Variants in RNF32 observed in about 807,000 individuals in gnomAD.
The protein encoded by RNF32 is ring finger protein 32.
In RNF32, 36 loss-of-function variants were observed where a neutral mutation model predicts 41.0. The observed-to-expected ratio is 0.88, with a 90% CI of 0.67 to 1.16. The LOEUF is 1.16. Among genes scored for constraint, RNF32 ranks in the 50% most tolerant of loss-of-function variants. The pLI is 0.00. For missense variants in RNF32, 413 were observed against 436.7 expected (o/e 0.95, Z 0.48); for synonymous variants, 154 against 160.9 (o/e 0.96, Z 0.32).
intron 7 of RNF32, among the ~76,000 whole-genome samples, chr7:156,674,614 TGAGTGAG>T (rs1803380907): frequency 1.3e-5 from 2 of 152,154 alleles, no homozygotes; most frequent in Non-Finnish European, 2.9e-5. Flanking sequence ...AGGCCGAGGC[TGAGTGAG>T]CATTGATGGC....
intron 6 of RNF32, 65 bp from the exon 7 acceptor site, chr7:156,658,397 C>G: frequency 6.6e-7 from 1 of 1,512,008 alleles, no homozygotes; most frequent in Non-Finnish European, 9.2e-7. Flanking sequence ...CTTATAACAA[C>G]TACTGAAGTA....
intron 2 of RNF32, 88 bp from the exon 3 acceptor site, chr7:156,644,411 T>C: frequency 9.9e-7 from 1 of 1,010,224 alleles, no homozygotes; most frequent in Non-Finnish European, 1.5e-6. Flanking sequence ...GTATGTGCCA[T>C]CAAGGTTGAG....
chr7:156,675,115 A>AGACCCGAAGAGGCAGCGGC (rs1200143965), intron 7 of RNF32, among the ~76,000 whole-genome samples: 27 of 152,376 alleles, frequency 1.8e-4, no homozygotes, highest in African/African-American at 4.6e-4. Context: ...GAGATAGTGC[A>AGACCCGAAGAGGCAGCGGC]GACCCGAAGA....
chr7:156,666,365 TG>T (rs1168840231), intron 7 of RNF32, among the ~76,000 whole-genome samples: 1 of 152,130 alleles, frequency 6.6e-6, no homozygotes, highest in Non-Finnish European at 1.5e-5. Context: ...TGTTGACGAG[TG>T]AAAAGGGACC....
chr7:156,675,308 G>A (rs939569984), intron 7 of RNF32, among the ~76,000 whole-genome samples: 13 of 152,328 alleles, frequency 8.5e-5, no homozygotes, highest in South Asian at 2.1e-4. Context: ...GGCTCCCTCC[G>A]TCTTTGGAGA....
chr7:156,644,774 A>T lies in RNF32; in HGVS notation c.274+17A>T, dbSNP rs753787702. The T allele has an allele frequency of 2.5e-6, 4 of 1,589,896 alleles. No individual in the cohort carries two copies. In the South Asian group the frequency reaches 4.7e-5, roughly 19 times the overall value. The stretch of plus-strand genomic sequence containing the variant: ...TGACTTTGGGTAAGCTGACGTAGTC[A>T]TTCATCTTTTGGCTTATTAGGGCTA... On this transcript the variant is annotated intron_variant, in intron 3 of 8. Transcript: ENST00000317955.
rs1264989494 is a variant in RNF32 at position 156,675,682 on chromosome 7, C to T, written c.685-14C>T. The T allele has an allele frequency of 2.2e-5, 35 of 1,600,730 alleles. No individual in the cohort carries two copies. The highest frequency in any genetic ancestry group is 2.7e-5 in the Non-Finnish European group (32 of 1,168,332). On this transcript the variant is annotated splice_polypyrimidine_tract_variant and intron_variant, in intron 7 of 8. Transcript: ENST00000317955. ...GCTCAGGTGTGAGCTTACCCGCCCCCGCCTCCTCCTCAGTTCACAGAAATC... is the reference window on the plus strand; with the variant it reads ...GCTCAGGTGTGAGCTTACCCGCCCCTGCCTCCTCCTCAGTTCACAGAAATC...
At position 156,676,744 on chromosome 7, in the gene RNF32, C is replaced by T; in HGVS notation, c.*89C>T. On this transcript the variant is annotated 3_prime_UTR_variant, in exon 9 of 9. Coordinates refer to ENST00000317955, the MANE Select transcript of RNF32 (RefSeq NM_030936.4). ...TGCATGAGTTCTGGGTTAAGTACTA[C>T]AATGTAATCTGTTTCCCAGGGAAAT... 1 of 898,528 alleles carries T rather than the reference C, an allele frequency of 1.1e-6. No homozygotes were observed. The highest frequency in any genetic ancestry group is 1.8e-6 in the Non-Finnish European group (1 of 563,584). 55.7% of individuals were successfully genotyped at this position (898,528 alleles called of 1,614,324 possible). A position where few individuals can be genotyped will look rare whatever the true frequency, so the allele number is the denominator to read the frequency against.
chr7:156,662,548 GCA>G (rs1359813516), intron 7 of RNF32, among the ~76,000 whole-genome samples: 2 of 152,016 alleles, frequency 1.3e-5, no homozygotes, highest in Non-Finnish European at 2.9e-5. Flanking sequence ...GTGTACACAG[GCA>G]CAGTCTCACT....
rs895900382 is a variant in RNF32 at position 156,644,480 on chromosome 7, C to CTT, written c.16-14_16-13dup. 2.3e-5 allele frequency: 36 copies of CTT among 1,593,746 alleles called. No homozygotes were observed. Among genetic ancestry groups the CTT allele is most frequent in the Non-Finnish European group, 3.0e-5 (35 of 1,166,316 alleles). ...TTACATAATACTCCTCTAAATATGA[C>CTT]TTTTTTCCTACTTTTTAGGGTCACT... is the stretch of plus-strand genomic sequence containing the variant. On this transcript the variant is annotated intron_variant, in intron 2 of 8. Coordinates refer to ENST00000317955, the MANE Select transcript of RNF32 (RefSeq NM_030936.4).
intron 3 of RNF32, 96 bp downstream of exon 3, chr7:156,644,853 T>C: frequency 7.8e-7 from 1 of 1,285,314 alleles, no homozygotes; most frequent in East Asian, 2.5e-5. Context: ...AAATAACTTA[T>C]TTATAATTAT....
intron 2 of RNF32, among the ~76,000 whole-genome samples, chr7:156,644,169 C>G (rs886913983): frequency 6.6e-6 from 1 of 152,160 alleles, no homozygotes; most frequent in Non-Finnish European, 1.5e-5. Context: ...GCTGAAATGG[C>G]AGGAGTCTCC....
At chr7:156,640,217 G>C (rs115804997), upstream of RNF32, 4 of 452,612 alleles carry the variant, frequency 8.8e-6, no homozygotes, top group South Asian at 3.1e-5. Flanking sequence ...GGGGGATCGG[G>C]GGATCCCCCA....
At chr7:156,667,052 A>C (rs1801436596) in intron 7 of RNF32, among the ~76,000 whole-genome samples, 1 of 152,158 alleles carries the variant, frequency 6.6e-6, no homozygotes, top group East Asian at 1.9e-4. Context: ...CAAACAGCAT[A>C]ATGGTCTTAA....
chr7:156,676,121 C>A, intron 8 of RNF32: 1 of 876,108 alleles, frequency 1.1e-6, no homozygotes, highest in Non-Finnish European at 1.7e-6. Context: ...TCCTCATGGG[C>A]TTTAGGGTGA....
chr7:156,661,159 ACTT>A (rs1230702375), intron 7 of RNF32, among the ~76,000 whole-genome samples: 1 of 152,038 alleles, frequency 6.6e-6, no homozygotes, highest in Non-Finnish European at 1.5e-5. Flanking sequence ...CAGCCTTATC[ACTT>A]TTAAAGGAAT....
At chr7:156,666,971 G>A (rs188538364) in intron 7 of RNF32, among the ~76,000 whole-genome samples, 2 of 152,242 alleles carry the variant, frequency 1.3e-5, no homozygotes, top group South Asian at 2.1e-4. Flanking sequence ...ATGCTGGGGC[G>A]GCTTTAGGGG....
intron 4 of RNF32, among the ~76,000 whole-genome samples, chr7:156,656,838 A>G (rs1389205907): frequency 2.0e-5 from 3 of 152,252 alleles, no homozygotes; most frequent in African/African-American, 7.2e-5. Flanking sequence ...TCCCAAGGGA[A>G]GCAGGAGCCT....
At chr7:156,656,208 C>T (rs764826965) in intron 4 of RNF32, among the ~76,000 whole-genome samples, 7 of 152,206 alleles carry the variant, frequency 4.6e-5, no homozygotes, top group Non-Finnish European at 1.0e-4. Context: ...AGTAGGCCGA[C>T]GCAGAAAGTA....
Sources: allele counts gnomAD v4.1 joint callset (sites outside exome capture counted in the v4.1 genomes callset), GRCh38; gene constraint gnomAD v4.1.1; transcripts MANE v1.5; gene names NCBI Gene and HGNC (gene_info 2026-07-23, HGNC 2026-07-21).